The following NALF1 variants were observed in gnomAD, a reference collection of about 807,000 sequenced individuals.
NALF1 encodes the protein family with sequence similarity 155 member A.
In NALF1, 3 loss-of-function variants were observed where a neutral mutation model predicts 48.4. The ratio of observed to expected loss-of-function variants is 0.06; its 90% CI spans 0.03 to 0.16. NALF1 has a LOEUF of 0.16. NALF1 is among the 10% of genes least tolerant of loss of function. NALF1 has a pLI of 1.00. For missense variants in NALF1, 526 were observed against 571.5 expected (o/e 0.92, Z 0.81); for synonymous variants, 262 against 245.7 (o/e 1.07, Z -0.62).
At chr13:107,349,689 C>A (rs760931136) in intron 1 of NALF1, among the ~76,000 whole-genome samples, 1 of 146,914 alleles carries the variant, frequency 6.8e-6, no homozygotes. Context: ...TTCAGTGAGC[C>A]GAGATGGGGC....
At chr13:107,471,495 A>G (rs1286696125) in intron 1 of NALF1, among the ~76,000 whole-genome samples, 1 of 131,390 alleles carries the variant, frequency 7.6e-6, no homozygotes, top group Non-Finnish European at 1.7e-5. Flanking sequence ...TCTGCTGTAC[A>G]TATTCTAATA....
At chr13:107,220,837 T>G (rs1879976686) in intron 1 of NALF1, among the ~76,000 whole-genome samples, 1 of 148,062 alleles carries the variant, frequency 6.8e-6, no homozygotes, top group African/African-American at 2.5e-5. Context: ...GAGAGAGGAG[T>G]GGGGTGGAGG....
chr13:107,821,026 T>C (rs142207966), intron 1 of NALF1, among the ~76,000 whole-genome samples: 2 of 152,340 alleles, frequency 1.3e-5, no homozygotes, highest in South Asian at 2.1e-4. Flanking sequence ...CCAGTCATAA[T>C]ATGCGCATGT....
intron 1 of NALF1, among the ~76,000 whole-genome samples, chr13:107,425,622 C>G (rs150665833): frequency 6.6e-6 from 1 of 151,770 alleles, no homozygotes; most frequent in African/African-American, 2.4e-5. Flanking sequence ...CTGTATATTA[C>G]GATGATATTG....
intron 1 of NALF1, among the ~76,000 whole-genome samples, chr13:107,504,172 G>A (rs1317291688): frequency 6.7e-6 from 1 of 150,354 alleles, no homozygotes. Flanking sequence ...GGATCCTTAA[G>A]CCTGGGAGGC....
intron 1 of NALF1, among the ~76,000 whole-genome samples, chr13:107,508,854 A>G (rs1240799151): frequency 6.6e-6 from 1 of 152,164 alleles, no homozygotes; most frequent in Non-Finnish European, 1.5e-5. Context: ...AAAAAAAACA[A>G]AAACAACAAA....
At chr13:107,678,896 A>AT (rs1219467400) in intron 1 of NALF1, among the ~76,000 whole-genome samples, 3 of 152,212 alleles carry the variant, frequency 2.0e-5, no homozygotes, top group Non-Finnish European at 4.4e-5. Context: ...GATAATGGGG[A>AT]TTACAATTCA....
At chr13:107,638,445 T>C (rs940993464) in intron 1 of NALF1, among the ~76,000 whole-genome samples, 7 of 151,964 alleles carry the variant, frequency 4.6e-5, no homozygotes, top group African/African-American at 1.7e-4. Flanking sequence ...ATGCTGACTA[T>C]ATGCTGGACA....
At chr13:107,758,715 A>G (rs1594248005) in intron 1 of NALF1, among the ~76,000 whole-genome samples, 1 of 152,246 alleles carries the variant, frequency 6.6e-6, no homozygotes, top group African/African-American at 2.4e-5. Context: ...GCGAGACTCC[A>G]TCTCAAAAAG....
rs573331855 is a variant in NALF1 at position 107,485,459 on chromosome 13, G to T, written c.916-274704C>A. Reference sequence around the variant, plus strand: ...AGTTTTGCAGGCCACACATCTCAATGGACAGCAACACATTTTAAACAAGGA... The same window carrying T: ...AGTTTTGCAGGCCACACATCTCAATTGACAGCAACACATTTTAAACAAGGA... On this transcript the variant is annotated intron_variant, in intron 1 of 2. Coordinates refer to ENST00000375915, the MANE Select transcript of NALF1 (RefSeq NM_001080396.3). 4.6e-5 allele frequency among the ~76,000 whole-genome samples: 7 copies of T among 152,104 alleles called. No homozygotes were observed. In the South Asian group the frequency reaches 1.5e-3, roughly 32 times the overall value.
chr13:107,567,693 T>G (rs1877856290), intron 1 of NALF1, among the ~76,000 whole-genome samples: 1 of 152,158 alleles, frequency 6.6e-6, no homozygotes, highest in African/African-American at 2.4e-5. Context: ...TTGTTACAGG[T>G]GTAGCTTTGA....
intron 1 of NALF1, among the ~76,000 whole-genome samples, chr13:107,845,299 C>T (rs919063226): frequency 2.0e-5 from 3 of 152,172 alleles, no homozygotes; most frequent in African/African-American, 7.2e-5. Context: ...AATCCTTTTC[C>T]AAGTGGTGAT....
At chr13:107,231,650 G>A (rs1206963801) in intron 1 of NALF1, among the ~76,000 whole-genome samples, 1 of 152,200 alleles carries the variant, frequency 6.6e-6, no homozygotes, top group Non-Finnish European at 1.5e-5. Context: ...ATACAAAAAA[G>A]CTATTTTTGA....
intron 1 of NALF1, among the ~76,000 whole-genome samples, chr13:107,556,654 G>A (rs1025264752): frequency 8.6e-6 from 1 of 116,914 alleles, no homozygotes. Context: ...GCCCTGCCCA[G>A]CTTTTTGTAT....
At chr13:107,485,431 A>G (rs1885314772) in intron 1 of NALF1, among the ~76,000 whole-genome samples, 2 of 152,176 alleles carry the variant, frequency 1.3e-5, no homozygotes, top group Non-Finnish European at 2.9e-5. Flanking sequence ...TAAGGTGCTA[A>G]GCAGTTTTGC....
At chr13:107,588,092 G>T (rs532411716) in intron 1 of NALF1, among the ~76,000 whole-genome samples, 1 of 152,024 alleles carries the variant, frequency 6.6e-6, no homozygotes, top group African/African-American at 2.4e-5. Flanking sequence ...CACAATTCTC[G>T]CATCAAGTGG....
intron 1 of NALF1, among the ~76,000 whole-genome samples, chr13:107,481,847 G>A (rs1036084093): frequency 6.6e-6 from 1 of 152,178 alleles, no homozygotes; most frequent in African/African-American, 2.4e-5. Flanking sequence ...TAGTCTTTAA[G>A]TGTTTTTACC....
chr13:107,435,219 T>C (rs541604422), intron 1 of NALF1, among the ~76,000 whole-genome samples: 4 of 152,250 alleles, frequency 2.6e-5, no homozygotes, highest in African/African-American at 9.6e-5. Context: ...CATGTTCCTA[T>C]AGGTCTGGCC....
chr13:107,687,063 A>G lies in NALF1; in HGVS notation c.915+178619T>C, dbSNP rs41259944. On this transcript the variant is annotated intron_variant, in intron 1 of 2. Coordinates refer to ENST00000375915, the MANE Select transcript of NALF1 (RefSeq NM_001080396.3). ...ACGGAATCAACTTAAGCGTCCATCAATGGATGATTGGATAAAGAAAATATG... is the reference window on the plus strand; with the variant it reads ...ACGGAATCAACTTAAGCGTCCATCAGTGGATGATTGGATAAAGAAAATATG... Among the ~76,000 whole-genome samples, 6 of 152,340 alleles carry G rather than the reference A, an allele frequency of 3.9e-5. 1 individual carries two copies. In the South Asian group the frequency reaches 8.3e-4, roughly 21 times the overall value.
Sources: allele counts gnomAD v4.1 joint callset (sites outside exome capture counted in the v4.1 genomes callset), GRCh38; gene constraint gnomAD v4.1.1; transcripts MANE v1.5; gene names NCBI Gene and HGNC (gene_info 2026-07-23, HGNC 2026-07-21).